SYNJ1: variants seen among roughly 807,000 people sequenced by gnomAD.
The protein encoded by SYNJ1 is synaptojanin 1.
Under a neutral mutation model 168.2 loss-of-function variants are expected in SYNJ1, and 78 were observed. The observed-to-expected ratio is 0.46, with a 90% CI of 0.39 to 0.56. The LOEUF (loss-of-function observed/expected upper bound fraction) is 0.56. Ranked by LOEUF, SYNJ1 falls within the 20% of genes least tolerant of loss-of-function variation. The probability of loss-of-function intolerance (pLI) is 0.00; values close to 1 mark genes in which losing one functional copy is unlikely to be tolerated. For synonymous variants in SYNJ1, 539 were observed against 548.6 expected, an observed-to-expected ratio of 0.98 and a Z score of 0.24; for missense variants, 1,303 against 1,597.6, an observed-to-expected ratio of 0.82 and a Z score of 3.14.
intron 2 of SYNJ1, among the ~76,000 whole-genome samples, chr21:32,720,240 TCAAAAACAAAAA>T (rs891922584): frequency 6.6e-6 from 1 of 152,010 alleles, no homozygotes; most frequent in Non-Finnish European, 1.5e-5. Context: ...ACTCTCCCTC[TCAAAAACAAAAA>T]CAAAAACAAA....
chr21:32,676,121 C>G (rs2041397409), intron 13 of SYNJ1, among the ~76,000 whole-genome samples: 1 of 152,160 alleles, frequency 6.6e-6, no homozygotes, highest in African/African-American at 2.4e-5. Context: ...AGACAAAGAG[C>G]ACTGCACATT....
At chr21:32,719,871 C>T (rs1382399241) in intron 2 of SYNJ1, among the ~76,000 whole-genome samples, 1 of 151,262 alleles carries the variant, frequency 6.6e-6, no homozygotes, top group African/African-American at 2.4e-5. Context: ...GCTGTTGGGA[C>T]ACAAATATTT....
intron 4 of SYNJ1, among the ~76,000 whole-genome samples, chr21:32,698,259 T>C (rs953097757): frequency 6.6e-6 from 1 of 152,192 alleles, no homozygotes; most frequent in East Asian, 1.9e-4. Context: ...GCCACCACTC[T>C]GGGTCAAAAC....
At chr21:32,710,284 A>C (rs574992849) in intron 2 of SYNJ1, among the ~76,000 whole-genome samples, 1 of 152,312 alleles carries the variant, frequency 6.6e-6, no homozygotes, top group South Asian at 2.1e-4. Context: ...AAAAGTGTCC[A>C]TGAGTTGATA....
chr21:32,641,205 T>C (rs2145737489), intron 29 of SYNJ1, among the ~76,000 whole-genome samples: 1 of 152,350 alleles, frequency 6.6e-6, no homozygotes, highest in African/African-American at 2.4e-5. Flanking sequence ...TCTTCAGATA[T>C]GGGCCTCTCA....
At chr21:32,708,194 G>A (rs1486607912) in intron 2 of SYNJ1, among the ~76,000 whole-genome samples, 1 of 152,170 alleles carries the variant, frequency 6.6e-6, no homozygotes, top group African/African-American at 2.4e-5. Flanking sequence ...TGCTAACTAG[G>A]GTTTAAAATA....
intron 2 of SYNJ1, among the ~76,000 whole-genome samples, chr21:32,717,740 C>T (rs563344303): frequency 3.6e-4 from 54 of 152,020 alleles, no homozygotes; most frequent in Admixed American, 3.4e-3. Context: ...ACACTGGCAC[C>T]GATCAACACT....
At chr21:32,700,140 C>T in intron 3 of SYNJ1, 35 bp from the exon 4 acceptor site, 1 of 1,558,532 alleles carries the variant, frequency 6.4e-7, no homozygotes, top group Non-Finnish European at 8.7e-7. Flanking sequence ...GATGAAAAAT[C>T]CCAACATTTT....
Position 32,673,438 on chromosome 21 carries a change from T to G in SYNJ1, c.1628A>C (p.Asn543Thr). ...IRVCVGTWNV[N>T]GGKQFRSIAF... ...TATGCTGCGAAATTGCTTCCCACCA[T>G]TCACATTCCAGGTTCCGACACATAC... The change falls in exon 14 of 33, where the codon AAT becomes ACT. Residue 543 changes from asparagine to threonine, a missense_variant. Physicochemically the swap from Asn to Thr is moderately conservative, Grantham distance 65. Coordinates refer to ENST00000674351, the MANE Select transcript of SYNJ1 (RefSeq NM_203446.3). The G allele has an allele frequency of 6.2e-7, 1 of 1,613,794 alleles. No homozygotes were observed. Among genetic ancestry groups the G allele is most frequent in the South Asian group, 1.1e-5 (1 of 91,026 alleles).
chr21:32,653,164 C>T (rs771474190), intron 22 of SYNJ1, 124 bp downstream of exon 22: 3 of 753,722 alleles, frequency 4.0e-6, no homozygotes, highest in Non-Finnish European at 6.5e-6. Context: ...AATAACTCCT[C>T]GAACATACCA....
chr21:32,684,742 A>G (rs2041757259), intron 9 of SYNJ1, among the ~76,000 whole-genome samples: 1 of 152,244 alleles, frequency 6.6e-6, no homozygotes, highest in South Asian at 2.1e-4. Context: ...TTAAAAGAGA[A>G]GCAAAACAGT....
chr21:32,695,887 C>T (rs2042193618), intron 4 of SYNJ1, among the ~76,000 whole-genome samples: 1 of 151,248 alleles, frequency 6.6e-6, no homozygotes, highest in Admixed American at 6.6e-5. Context: ...CGCTCTGTCG[C>T]CCAGGTTGGA....
intron 2 of SYNJ1, among the ~76,000 whole-genome samples, chr21:32,712,415 T>C (rs2042861760): frequency 6.6e-6 from 1 of 152,150 alleles, no homozygotes; most frequent in Non-Finnish European, 1.5e-5. Flanking sequence ...TTTCATCATA[T>C]ATAAAGAGAA....
At chr21:32,684,948 G>A (rs560405486) in intron 9 of SYNJ1, among the ~76,000 whole-genome samples, 76 of 152,216 alleles carry the variant, frequency 5.0e-4, no homozygotes, top group African/African-American at 1.7e-3. Context: ...GGGAGGCGGA[G>A]GCGGGTGGAT....
Position 32,651,540 on chromosome 21 carries a change from C to T in SYNJ1, c.2875-1194G>A, listed in dbSNP as rs573816016. 5.3e-5 allele frequency among the ~76,000 whole-genome samples: 8 copies of T among 152,320 alleles called. No homozygotes were observed. In the East Asian group the frequency reaches 7.7e-4, roughly 15 times the overall value. On this transcript the variant is annotated intron_variant, in intron 22 of 32. Coordinates refer to ENST00000674351, the MANE Select transcript of SYNJ1 (RefSeq NM_203446.3). Reference sequence around the variant, plus strand: ...ATCAATCCAATTTCAGAACTTAACACGCTTTACAAGTCATATATTACTTTT... The same window carrying T: ...ATCAATCCAATTTCAGAACTTAACATGCTTTACAAGTCATATATTACTTTT...
intron 15 of SYNJ1, among the ~76,000 whole-genome samples, chr21:32,668,770 C>T (rs1032540498): frequency 6.6e-6 from 1 of 152,158 alleles, no homozygotes; most frequent in Non-Finnish European, 1.5e-5. Flanking sequence ...TTCAGAACAG[C>T]GTTCCCAAAG....
chr21:32,669,901 G>A (rs900955125), intron 15 of SYNJ1, among the ~76,000 whole-genome samples: 8 of 152,152 alleles, frequency 5.3e-5, no homozygotes, highest in Non-Finnish European at 8.8e-5. Flanking sequence ...ACATTAAAGA[G>A]ATTTGGAAAA....
chr21:32,684,696 T>C (rs1178894264), intron 9 of SYNJ1, among the ~76,000 whole-genome samples: 2 of 152,186 alleles, frequency 1.3e-5, no homozygotes, highest in Admixed American at 6.5e-5. Context: ...CATTTAATAA[T>C]CTTTACTGGC....
intron 5 of SYNJ1, 144 bp from the exon 6 acceptor site, chr21:32,694,455 C>A (rs1367793194): frequency 1.1e-5 from 6 of 557,310 alleles, no homozygotes; most frequent in Non-Finnish European, 1.7e-5. Flanking sequence ...AAACAGGCCA[C>A]TATACAGGTT....
Sources: allele counts gnomAD v4.1 joint callset (sites outside exome capture counted in the v4.1 genomes callset), GRCh38; gene constraint gnomAD v4.1.1; transcripts MANE v1.5; gene names NCBI Gene and HGNC (gene_info 2026-07-23, HGNC 2026-07-21).